Variants in RALGPS2 observed in about 807,000 individuals in gnomAD.
RALGPS2 encodes the protein Ral GEF with PH domain and SH3 binding motif 2.
RALGPS2 carries 43 observed loss-of-function variants against 86.8 expected under a neutral mutation model. The ratio of observed to expected loss-of-function variants is 0.50; its 90% CI spans 0.39 to 0.64. RALGPS2 has a LOEUF of 0.64. RALGPS2 is among the 30% of genes least tolerant of loss of function. RALGPS2 has a pLI of 0.00. For synonymous variants in RALGPS2, 243 were observed against 231.3 expected (o/e 1.05, Z -0.46); for missense variants, 536 against 694.6 (o/e 0.77, Z 2.57).
intron 4 of RALGPS2, among the ~76,000 whole-genome samples, chr1:178,792,047 A>G (rs1653980742): frequency 6.6e-6 from 1 of 152,258 alleles, no homozygotes; most frequent in African/African-American, 2.4e-5. Context: ...TGAAGCAAAC[A>G]TAATGCTAAG....
intron 1 of RALGPS2, among the ~76,000 whole-genome samples, chr1:178,749,146 T>G (rs1398159976): frequency 6.6e-6 from 1 of 152,136 alleles, no homozygotes; most frequent in African/African-American, 2.4e-5. Context: ...AGACCAAAAT[T>G]TGTCTTTTGT....
chr1:178,895,035 A>T (rs113584494), intron 16 of RALGPS2, among the ~76,000 whole-genome samples: 1 of 152,044 alleles, frequency 6.6e-6, no homozygotes, highest in African/African-American at 2.4e-5. Flanking sequence ...GAATCCAAAT[A>T]TTAAATGCTT....
chr1:178,768,281 T>G (rs1015901294), intron 1 of RALGPS2, among the ~76,000 whole-genome samples: 2 of 152,250 alleles, frequency 1.3e-5, no homozygotes, highest in Non-Finnish European at 2.9e-5. Flanking sequence ...AATCCTTGTG[T>G]TGGTTCCTTC....
At chr1:178,881,930 A>G (rs1011288042) in intron 10 of RALGPS2, among the ~76,000 whole-genome samples, 1 of 152,206 alleles carries the variant, frequency 6.6e-6, no homozygotes, top group Admixed American at 6.5e-5. Flanking sequence ...GTCACTTACA[A>G]AAGGCCTGTT....
intron 1 of RALGPS2, among the ~76,000 whole-genome samples, chr1:178,732,139 G>A (rs1054277702): frequency 1.3e-5 from 2 of 150,568 alleles, no homozygotes; most frequent in South Asian, 2.1e-4. Context: ...AAGGAAGAAT[G>A]GGAATATGTA....
At chr1:178,866,203 G>A (rs1368606280) in intron 8 of RALGPS2, among the ~76,000 whole-genome samples, 2 of 152,150 alleles carry the variant, frequency 1.3e-5, no homozygotes, top group African/African-American at 4.8e-5. Flanking sequence ...CACAGTGTTT[G>A]TAAGGCATTA....
At chr1:178,790,139 A>G (rs940268735) in intron 4 of RALGPS2, among the ~76,000 whole-genome samples, 14 of 151,828 alleles carry the variant, frequency 9.2e-5, no homozygotes, top group African/African-American at 2.9e-4. Context: ...TTTTTTAGAG[A>G]CAGGGTCTCG....
At chr1:178,837,514 A>C (rs1656337916) in intron 8 of RALGPS2, among the ~76,000 whole-genome samples, 1 of 152,150 alleles carries the variant, frequency 6.6e-6, no homozygotes, top group Non-Finnish European at 1.5e-5. Flanking sequence ...TATGTGTCTG[A>C]GGGTTACCCA....
chr1:178,768,585 A>T (rs1466975582), intron 1 of RALGPS2, among the ~76,000 whole-genome samples: 1 of 152,126 alleles, frequency 6.6e-6, no homozygotes, highest in Non-Finnish European at 1.5e-5. Context: ...ATCCTTGTTT[A>T]CTGGGAGATG....
chr1:178,875,681 G>C (rs1658970942), intron 8 of RALGPS2, among the ~76,000 whole-genome samples: 1 of 152,078 alleles, frequency 6.6e-6, no homozygotes, highest in African/African-American at 2.4e-5. Flanking sequence ...CCAGAAGGCA[G>C]AGGTGGCAGT....
At chr1:178,747,244 T>A in intron 1 of RALGPS2, 1 of 1,486,634 alleles carries the variant, frequency 6.7e-7, no homozygotes, top group Non-Finnish European at 9.4e-7. Context: ...AGGAGCCAGA[T>A]TCTCTCACTT....
At chr1:178,771,550 G>C (rs1652813247) in intron 1 of RALGPS2, among the ~76,000 whole-genome samples, 1 of 151,592 alleles carries the variant, frequency 6.6e-6, no homozygotes, top group African/African-American at 2.4e-5. Flanking sequence ...GGATTGTCCA[G>C]TTCTTCACAC....
chr1:178,815,385 G>A (rs1655177647), intron 6 of RALGPS2, among the ~76,000 whole-genome samples: 1 of 151,988 alleles, frequency 6.6e-6, no homozygotes, highest in Admixed American at 6.6e-5. Flanking sequence ...GCGCCTGGCA[G>A]TCTTCTATTG....
intron 1 of RALGPS2, among the ~76,000 whole-genome samples, chr1:178,775,367 A>G (rs1348100678): frequency 1.3e-5 from 2 of 152,210 alleles, no homozygotes; most frequent in Non-Finnish European, 1.5e-5. Context: ...AATTATTATT[A>G]ACATTTAAAA....
intron 8 of RALGPS2, among the ~76,000 whole-genome samples, chr1:178,835,742 C>G (rs1021452727): frequency 1.3e-5 from 2 of 152,114 alleles, no homozygotes; most frequent in Non-Finnish European, 2.9e-5. Flanking sequence ...AAACCAAGAT[C>G]CAGAAAGGTA....
intron 16 of RALGPS2, among the ~76,000 whole-genome samples, chr1:178,895,067 G>C (rs929288488): frequency 4.6e-5 from 7 of 151,688 alleles, no homozygotes; most frequent in African/African-American, 1.5e-4. Flanking sequence ...AACTATATTG[G>C]GGGGGGAAAA....
intron 4 of RALGPS2, among the ~76,000 whole-genome samples, chr1:178,791,483 T>A (rs1572336839): frequency 6.6e-6 from 1 of 152,204 alleles, no homozygotes; most frequent in East Asian, 1.9e-4. Context: ...TTATTTTAGG[T>A]GATGGTTTAT....
At position 178,904,214 on chromosome 1, in the gene RALGPS2, T is replaced by C. The variant is rs555444872; in HGVS notation, c.1630+2003T>C. Among the ~76,000 whole-genome samples, 5 of 152,276 alleles carry C rather than the reference T, an allele frequency of 3.3e-5. No individual in the cohort carries two copies. In the South Asian group the frequency reaches 6.2e-4, roughly 19 times the overall value. On this transcript the variant is annotated intron_variant, in intron 18 of 19. Transcript: ENST00000367635. ...TCGATGGGATTGGTTTTTTTCTTAC[T>C]GATTCGTTTTGAGTTCATTGTAGAT...
chr1:178,747,868 TAAATG>T, intron 1 of RALGPS2: 1 of 569,052 alleles, frequency 1.8e-6, no homozygotes, highest in South Asian at 2.0e-5. Flanking sequence ...AGTTACTAAA[TAAATG>T]GGAATTAAAA....
Sources: gnomAD v4.1 joint callset for allele counts (sites outside exome capture counted in the v4.1 genomes callset) on GRCh38, gnomAD v4.1.1 for gene constraint, MANE v1.5 for transcripts, NCBI Gene and HGNC (gene_info 2026-07-23, HGNC 2026-07-21) for gene names.